Variants in CSMD2 observed in about 807,000 individuals in gnomAD.
The protein encoded by CSMD2 is CUB and sushi domain-containing protein 2.
Under a neutral mutation model 398.5 loss-of-function variants are expected in CSMD2, and 130 were observed. The ratio of observed to expected loss-of-function variants is 0.33; its 90% CI spans 0.28 to 0.38. The LOEUF is 0.38. Ranked by LOEUF, CSMD2 falls within the 10% of genes least tolerant of loss-of-function variation. The pLI, the probability that CSMD2 is intolerant of heterozygous loss-of-function variation, is 1.00. For missense variants in CSMD2, 3,829 were observed against 4,764.9 expected (o/e 0.80, Z 5.78); for synonymous variants, 1,828 against 1,908.5 (o/e 0.96, Z 1.10).
intron 56 of CSMD2, among the ~76,000 whole-genome samples, chr1:33,548,321 G>T (rs1486283621): frequency 6.6e-6 from 1 of 152,228 alleles, no homozygotes. Context: ...ATGGAAGGGA[G>T]TCTGGACAGG....
chr1:33,937,551 C>T (rs1427821643), intron 3 of CSMD2, among the ~76,000 whole-genome samples: 6 of 152,184 alleles, frequency 3.9e-5, no homozygotes, highest in Admixed American at 1.3e-4. Context: ...ATCTGCCTTC[C>T]AGAACCCTCT....
chr1:33,814,830 C>T (rs575723355), intron 9 of CSMD2, among the ~76,000 whole-genome samples: 2 of 152,274 alleles, frequency 1.3e-5, no homozygotes, highest in African/African-American at 4.8e-5. Context: ...ACTTGGGTCT[C>T]AATGCACCAT....
At chr1:34,165,685 T>TG (rs1641826578), upstream of CSMD2, 15 of 1,525,066 alleles carry the variant, frequency 9.8e-6, no homozygotes, top group South Asian at 1.6e-4. Context: ...GTTTGGAAAT[T>TG]GGAATCCTGT....
In CSMD2 at chr1:33,653,738, C is replaced by T. The variant is rs150762990; in HGVS notation, c.4448-1277G>A. On this transcript the variant is annotated intron_variant, in intron 27 of 70. Coordinates refer to ENST00000373381, the MANE Select transcript of CSMD2 (RefSeq NM_001281956.2). ...ACTGGATAGAGTAAGAGCTGGGAAG[C>T]GTGTGGGGTCGTTAGCAGGATGGCC... 1.3e-3 allele frequency among the ~76,000 whole-genome samples: 204 copies of T among 152,106 alleles called. 1 individual carries two copies. Among genetic ancestry groups the T allele is most frequent in the African/African-American group, 3.5e-3 (145 of 41,500 alleles).
At chr1:33,969,436 G>A (rs367717281) in intron 3 of CSMD2, among the ~76,000 whole-genome samples, 8 of 152,272 alleles carry the variant, frequency 5.3e-5, no homozygotes, top group Admixed American at 2.6e-4. Flanking sequence ...TAGACAGTGC[G>A]ATGGATGGAT....
At chr1:33,876,393 T>C (rs866183825) in intron 5 of CSMD2, among the ~76,000 whole-genome samples, 1 of 152,248 alleles carries the variant, frequency 6.6e-6, no homozygotes. Context: ...AGAAATTCAC[T>C]TTATTCTTAT....
intron 66 of CSMD2, among the ~76,000 whole-genome samples, chr1:33,524,581 T>A (rs543425892): frequency 8.5e-5 from 13 of 152,348 alleles, no homozygotes; most frequent in African/African-American, 2.6e-4. Context: ...GTTGACTGAT[T>A]GTACTTGGGA....
At chr1:33,721,476 C>T (rs369777468) in intron 19 of CSMD2, among the ~76,000 whole-genome samples, 28 of 152,300 alleles carry the variant, frequency 1.8e-4, no homozygotes, top group African/African-American at 5.8e-4. Context: ...TCACAGATGC[C>T]CAGACACAGA....
chr1:34,140,297 AAAAC>A (rs1553330752), intron 1 of CSMD2, among the ~76,000 whole-genome samples: 18 of 112,486 alleles, frequency 1.6e-4, no homozygotes, highest in African/African-American at 3.9e-4. Context: ...CATATGCAAA[AAAAC>A]AAACAAACAA....
At chr1:33,733,046 A>G (rs1285731470) in intron 15 of CSMD2, among the ~76,000 whole-genome samples, 2 of 152,194 alleles carry the variant, frequency 1.3e-5, no homozygotes, top group African/African-American at 4.8e-5. Context: ...CCAGCTCCAG[A>G]GCCTGCATTT....
chr1:33,734,644 G>A (rs907078896), intron 15 of CSMD2, among the ~76,000 whole-genome samples: 5 of 151,952 alleles, frequency 3.3e-5, no homozygotes, highest in African/African-American at 1.2e-4. Flanking sequence ...AATTAGCCAG[G>A]CATGGTTGCA....
chr1:33,645,344 T>TAC (rs4044501), intron 29 of CSMD2, among the ~76,000 whole-genome samples: 3,745 of 136,296 alleles, frequency 0.027, 59 homozygotes, highest in African/African-American at 0.05. Flanking sequence ...TGGAGCATTA[T>TAC]ACACACACAC....
chr1:33,721,572 G>A (rs1646360208), intron 19 of CSMD2, among the ~76,000 whole-genome samples: 1 of 152,166 alleles, frequency 6.6e-6, no homozygotes. Context: ...CAGGCTTGGT[G>A]GAAACAGCTC....
intron 4 of CSMD2, among the ~76,000 whole-genome samples, chr1:33,929,393 C>T (rs1369218656): frequency 6.7e-6 from 1 of 149,960 alleles, no homozygotes; most frequent in East Asian, 2.0e-4. Flanking sequence ...GCTTAAAACT[C>T]TCCCCTGGTT....
chr1:33,709,293 C>A (rs1343389821), intron 21 of CSMD2, 35 bp from the exon 22 acceptor site: 1 of 1,579,576 alleles, frequency 6.3e-7, no homozygotes, highest in African/African-American at 1.4e-5. Flanking sequence ...TAGATTAACC[C>A]CCATCAGCTG....
At position 33,772,841 on chromosome 1, in the gene CSMD2, C is replaced by T. The variant is rs529186242; in HGVS notation, c.1664-90G>A. ...GGTCCACATGACAAGCTCTACTGCT[C>T]TTCTGCCATAAGTCAGTGCTCAGAG... On this transcript the variant is annotated intron_variant, in intron 12 of 70. Transcript: ENST00000373381. 7.6e-5 allele frequency: 83 copies of T among 1,092,822 alleles called. No homozygotes were observed. In the African/African-American group the frequency reaches 1.2e-3, roughly 15 times the overall value. The allele number at this position is 1,092,822 out of a possible 1,614,324, so 67.7% of individuals were successfully genotyped here.
chr1:33,822,849 A>C (rs544177328), intron 7 of CSMD2, among the ~76,000 whole-genome samples: 123 of 152,260 alleles, frequency 8.1e-4, no homozygotes, highest in Non-Finnish European at 1.3e-3. Flanking sequence ...ATCCGTCCCT[A>C]CTGCAGACTT....
intron 39 of CSMD2, 26 bp downstream of exon 39, chr1:33,616,880 G>A (rs2148857549): frequency 1.9e-6 from 3 of 1,595,080 alleles, no homozygotes; most frequent in East Asian, 4.5e-5. Flanking sequence ...TGGTTGGAAT[G>A]AATTGTAAAG....
chr1:34,144,828 T>C (rs1014089393), intron 1 of CSMD2, among the ~76,000 whole-genome samples: 3 of 152,170 alleles, frequency 2.0e-5, no homozygotes, highest in African/African-American at 7.2e-5. Context: ...AAGGCAGTAA[T>C]GAGAGTTTGT....
Sources: allele counts gnomAD v4.1 joint callset (sites outside exome capture counted in the v4.1 genomes callset), GRCh38; gene constraint gnomAD v4.1.1; transcripts MANE v1.5; gene names NCBI Gene and HGNC (gene_info 2026-07-23, HGNC 2026-07-21).